Variants in SMG9 observed in about 807,000 individuals in gnomAD.
The protein encoded by SMG9 is nonsense-mediated mRNA decay factor SMG9.
In SMG9, 55 loss-of-function variants were observed where a neutral mutation model predicts 64.0. The observed-to-expected ratio is 0.86, with a 90% confidence interval of 0.69 to 1.08. SMG9 has a LOEUF of 1.08. SMG9 is among the 50% of genes least tolerant of loss of function. SMG9 has a pLI of 0.00. For synonymous variants in SMG9, 244 were observed against 254.8 expected (o/e 0.96, Z 0.41); for missense variants, 554 against 681.3 (o/e 0.81, Z 2.08).
At chr19:43,741,764 C>T (rs1170516444) in intron 6 of SMG9, among the ~76,000 whole-genome samples, 1 of 152,176 alleles carries the variant, frequency 6.6e-6, no homozygotes, top group Non-Finnish European at 1.5e-5. Flanking sequence ...TTTTCTCAAA[C>T]GTTCCCCTTA....
chr19:43,735,308 T>C lies in SMG9; in HGVS notation c.996-813A>G, dbSNP rs150262279. Among the ~76,000 whole-genome samples the C allele has an allele frequency of 4.7e-3, 716 of 152,302 alleles. 9 individuals carry two copies. The highest frequency in any genetic ancestry group is 0.016 in the African/African-American group (683 of 41,562). The stretch of plus-strand genomic sequence containing the variant: ...GGTTGTTTCCAAGTTTTGGCAATTA[T>C]GGATACAGCTGCTATAAACATCTGT... On this transcript the variant is annotated intron_variant, in intron 9 of 13. Coordinates refer to ENST00000270066, the MANE Select transcript of SMG9 (RefSeq NM_019108.4).
intron 2 of SMG9, chr19:43,748,722 G>A (rs144271487): frequency 5.4e-5 from 28 of 520,142 alleles, no homozygotes; most frequent in Admixed American, 1.2e-4. Flanking sequence ...TCTGAGTCCC[G>A]TTCTTTCTCT....
intron 13 of SMG9, among the ~76,000 whole-genome samples, chr19:43,732,029 A>T (rs1968501721): frequency 6.6e-6 from 1 of 152,218 alleles, no homozygotes; most frequent in African/African-American, 2.4e-5. Context: ...ATCTAACAGC[A>T]GCTGCACAAC....
intron 6 of SMG9, among the ~76,000 whole-genome samples, chr19:43,741,163 T>G (rs1968833332): frequency 6.6e-6 from 1 of 152,142 alleles, no homozygotes; most frequent in Non-Finnish European, 1.5e-5. Context: ...AATCAGTAAC[T>G]GTGGGTGTTA....
chr19:43,744,743 C>T, intron 6 of SMG9, 29 bp downstream of exon 6: 1 of 1,567,108 alleles, frequency 6.4e-7, no homozygotes. Context: ...GCCCACCTCC[C>T]TCCTGCACCC....
intron 9 of SMG9, among the ~76,000 whole-genome samples, chr19:43,736,224 C>T (rs1968661633): frequency 6.6e-6 from 1 of 151,766 alleles, no homozygotes; most frequent in South Asian, 2.1e-4. Flanking sequence ...TTCCTTAACT[C>T]ACTGAATCTA....
Position 43,729,929 on chromosome 19 carries a change from G to C in SMG9, c.*1667C>G, listed in dbSNP as rs927701796. ...AGTCGGTCAGGAAGTGGCTGTGCCA[G>C]AGCCTGTGCTGGGCCTCCTGTCTCC... On this transcript the variant is annotated 3_prime_UTR_variant, in exon 14 of 14. Coordinates refer to ENST00000270066, the MANE Select transcript of SMG9 (RefSeq NM_019108.4). 7.9e-5 allele frequency: 12 copies of C among 152,354 alleles called. No homozygotes were observed. Among genetic ancestry groups the C allele is most frequent in the African/African-American group, 2.9e-4 (12 of 41,458 alleles). The allele number at this position is 152,354 out of a possible 1,614,324, so 9.4% of individuals were successfully genotyped here.
intron 5 of SMG9, among the ~76,000 whole-genome samples, 174 bp from the exon 6 acceptor site, chr19:43,745,058 T>C (rs1321820902): frequency 3.3e-5 from 5 of 152,196 alleles, no homozygotes; most frequent in African/African-American, 1.2e-4. Flanking sequence ...CGTGTCATGG[T>C]AGGATTATGT....
At chr19:43,748,527 T>C (rs1000826622) in intron 2 of SMG9, among the ~76,000 whole-genome samples, 4 of 152,246 alleles carry the variant, frequency 2.6e-5, no homozygotes, top group African/African-American at 9.6e-5. Context: ...ATCAAGTGTC[T>C]AGCATGGCAC....
chr19:43,747,860 G>C lies in SMG9; in HGVS notation c.263C>G (p.Pro88Arg), dbSNP rs370551981. The C allele has an allele frequency of 6.2e-7, 1 of 1,607,168 alleles. No individual in the cohort carries two copies. Among genetic ancestry groups the C allele is most frequent in the African/African-American group, 1.3e-5 (1 of 74,838 alleles). ...QPPPPTAPAA[P>R]PAPAPLEKPI... ...CTTCTCCAGAGGGGCTGGAGCAGGC[G>C]GGGCAGCAGGGGCTGTTGGAGGTGG... is the stretch of plus-strand genomic sequence containing the variant. The change falls in exon 4 of 14, where the codon CCG (proline) becomes CGG (arginine). Residue 88 changes from proline (P) to arginine (R), a missense_variant. Pro to Arg is a moderately radical substitution (Grantham distance 103). Transcript: ENST00000270066.
At chr19:43,746,819 CTTTT>C (rs11326289) in intron 5 of SMG9, among the ~76,000 whole-genome samples, 13 of 134,254 alleles carry the variant, frequency 9.7e-5, no homozygotes, top group Non-Finnish European at 1.1e-4. Context: ...GCTTCTTGTT[CTTTT>C]TTTTTTTTTT....
Position 43,748,016 on chromosome 19 carries a change from T to G in SMG9, c.187A>C (p.Lys63Gln). The G allele has an allele frequency of 1.9e-6, 3 of 1,613,454 alleles. No homozygotes were observed. The highest frequency in any genetic ancestry group is 2.5e-6 in the Non-Finnish European group (3 of 1,179,728). The change falls in exon 3 of 14, where the codon AAA (lysine) becomes CAA (glutamine). Residue 63 changes from lysine (K) to glutamine (Q), a missense_variant. Transcript: ENST00000270066. ...GGTTTTGAGAGGATGATGGGGGTTT[T>G]CTGCATGACGGAAGTGCTTGTCTCT... ...SEETSTSVMQ[K>Q]TPIILSKPPA... is the part of the protein sequence containing the mutation.
At chr19:43,733,158 TC>T in intron 12 of SMG9, 156 bp from the exon 13 acceptor site, 1 of 1,315,300 alleles carries the variant, frequency 7.6e-7, no homozygotes. Context: ...TAATAAAGGG[TC>T]CACACACCCC....
Position 43,728,430 on chromosome 19 carries a change from C to T in SMG9, c.*3166G>A, listed in dbSNP as rs145980575. The T allele has an allele frequency of 1.7e-3, 263 of 153,274 alleles. No individual in the cohort carries two copies. Among genetic ancestry groups the T allele is most frequent in the Non-Finnish European group, 3.1e-3 (211 of 68,626 alleles). 9.5% of individuals were successfully genotyped at this position (153,274 alleles called of 1,614,324 possible). ...CCAGAAGCCGAGCAGATGCCAGCAC[C>T]ATGCTTCTGGTTCAGCCTGCAGAAC... On this transcript the variant is annotated 3_prime_UTR_variant, in exon 14 of 14. Coordinates refer to ENST00000270066, the MANE Select transcript of SMG9 (RefSeq NM_019108.4).
At chr19:43,753,070 T>C (rs1052037248) in intron 1 of SMG9, among the ~76,000 whole-genome samples, 1 of 151,764 alleles carries the variant, frequency 6.6e-6, no homozygotes, top group African/African-American at 2.4e-5. Flanking sequence ...GTTTACAAGA[T>C]GCAGTCATAA....
rs146986251 is a variant in SMG9, at chr19:43,749,518, A to C, written c.150+1074T>G. 2.0e-4 allele frequency among the ~76,000 whole-genome samples: 30 copies of C among 152,322 alleles called. No homozygotes were observed. The East Asian group carries it at 5.2e-3, about 26-fold the overall frequency. On this transcript the variant is annotated intron_variant, in intron 2 of 13. Transcript: ENST00000270066. Reference sequence around the variant, plus strand: ...CAGGAGGGCATTATGTGGAAGGAAGAGAGACTACGTGTTCTCATTTACACT... The same window carrying C: ...CAGGAGGGCATTATGTGGAAGGAAGCGAGACTACGTGTTCTCATTTACACT...
At position 43,728,419 on chromosome 19, in the gene SMG9, G is replaced by A. The variant is rs1238725018; in HGVS notation, c.*3177C>T. 6.5e-6 allele frequency: 1 copy of A among 154,068 alleles called. No individual in the cohort carries two copies. The highest frequency in any genetic ancestry group is 1.4e-5 in the Non-Finnish European group (1 of 69,322). The allele number at this position is 154,068 out of a possible 1,614,324, so 9.5% of individuals were successfully genotyped here. On this transcript the variant is annotated 3_prime_UTR_variant, in exon 14 of 14. Transcript: ENST00000270066. ...CTGAGGCCTCCCCAGAAGCCGAGCA[G>A]ATGCCAGCACCATGCTTCTGGTTCA...
chr19:43,751,127 G>A (rs1394130764), intron 1 of SMG9, among the ~76,000 whole-genome samples: 19 of 151,550 alleles, frequency 1.3e-4, no homozygotes, highest in Non-Finnish European at 5.9e-5. Context: ...GCCCAACCAA[G>A]GCTCTTCCTT....
intron 6 of SMG9, among the ~76,000 whole-genome samples, chr19:43,743,738 G>C (rs755118575): frequency 1.1e-4 from 16 of 152,230 alleles, no homozygotes; most frequent in Admixed American, 3.9e-4. Flanking sequence ...AGAGGATGCA[G>C]TGGGCTATGA....
Sources: gnomAD v4.1 joint callset for allele counts (sites outside exome capture counted in the v4.1 genomes callset) on GRCh38, gnomAD v4.1.1 for gene constraint, MANE v1.5 for transcripts, NCBI Gene and HGNC (gene_info 2026-07-23, HGNC 2026-07-21) for gene names.